The following EYS variants were observed in gnomAD, a reference collection of about 807,000 sequenced individuals.
The protein encoded by EYS is protein eyes shut homolog.
In EYS, 250 loss-of-function variants were observed where a neutral mutation model predicts 282.1. That is an observed-to-expected ratio of 0.89 (90% CI 0.80 to 0.98). The LOEUF (loss-of-function observed/expected upper bound fraction) is 0.98. EYS is among the 50% of genes least tolerant of loss of function. The pLI, the probability that EYS is intolerant of heterozygous loss-of-function variation, is 0.00. For missense variants in EYS, 4,016 were observed against 3,709.0 expected (o/e 1.08, Z -2.15); for synonymous variants, 1,355 against 1,282.9 (o/e 1.06, Z -1.20).
chr6:64,996,443 G>A (rs549458404), intron 14 of EYS, among the ~76,000 whole-genome samples: 53 of 152,238 alleles, frequency 3.5e-4, no homozygotes, highest in Admixed American at 9.2e-4. Flanking sequence ...AAGAGCAGGC[G>A]ACGAAATCTT....
chr6:65,120,453 A>C (rs1775504283), intron 12 of EYS, among the ~76,000 whole-genome samples: 1 of 130,224 alleles, frequency 7.7e-6, no homozygotes, highest in South Asian at 2.7e-4. Flanking sequence ...CTTTTTCTTT[A>C]AATAAGCAAA....
At chr6:64,654,756 C>T (rs537493241) in intron 22 of EYS, among the ~76,000 whole-genome samples, 92 of 152,230 alleles carry the variant, frequency 6.0e-4, no homozygotes, top group African/African-American at 2.1e-3. Context: ...GAATAAATCT[C>T]ATTAACTGCT....
intron 26 of EYS, among the ~76,000 whole-genome samples, chr6:64,517,429 C>A (rs1240930749): frequency 1.3e-5 from 2 of 151,752 alleles, no homozygotes; most frequent in Non-Finnish European, 2.9e-5. Flanking sequence ...ATGGCAATAA[C>A]TGGGTAGGGT....
chr6:65,595,057 G>A (rs1314926606), intron 2 of EYS, among the ~76,000 whole-genome samples: 3 of 151,922 alleles, frequency 2.0e-5, no homozygotes, highest in Admixed American at 1.3e-4. Flanking sequence ...TGCTGTTTTG[G>A]TTAGTGTAGC....
At chr6:63,951,685 GTTCCACGAC>G (rs1765601869) in intron 35 of EYS, among the ~76,000 whole-genome samples, 1 of 152,004 alleles carries the variant, frequency 6.6e-6, no homozygotes, top group Admixed American at 6.6e-5. Context: ...TTACAGTTTT[GTTCCACGAC>G]TAGCCCTTCC....
intron 22 of EYS, among the ~76,000 whole-genome samples, chr6:64,654,289 G>T (rs1010987323): frequency 1.3e-5 from 2 of 152,284 alleles, no homozygotes; most frequent in East Asian, 3.9e-4. Flanking sequence ...CAAATAATAT[G>T]CATATCTCTA....
intron 22 of EYS, among the ~76,000 whole-genome samples, chr6:64,812,727 T>G (rs1299636919): frequency 2.6e-5 from 4 of 151,992 alleles, no homozygotes; most frequent in Non-Finnish European, 5.9e-5. Context: ...CAAATGAGAC[T>G]GAAAGGAGGT....
intron 12 of EYS, among the ~76,000 whole-genome samples, chr6:65,146,275 A>AGT (rs1764476047): frequency 6.6e-6 from 1 of 151,964 alleles, no homozygotes. Flanking sequence ...AAATCACCTC[A>AGT]TTAGGAAAGA....
chr6:65,432,301 CAG>C (rs1030542146), intron 5 of EYS, among the ~76,000 whole-genome samples: 3 of 151,994 alleles, frequency 2.0e-5, no homozygotes, highest in African/African-American at 7.2e-5. Flanking sequence ...ATGAACAAAA[CAG>C]ATAACCATAT....
chr6:63,797,012 G>A (rs1254029397), intron 37 of EYS, among the ~76,000 whole-genome samples: 1 of 152,162 alleles, frequency 6.6e-6, no homozygotes, highest in Non-Finnish European at 1.5e-5. Flanking sequence ...CCCATCTGGA[G>A]GAATGTTTTG....
intron 2 of EYS, among the ~76,000 whole-genome samples, chr6:65,622,255 A>G (rs942215331): frequency 7.8e-6 from 1 of 128,036 alleles, no homozygotes; most frequent in Non-Finnish European, 1.6e-5. Context: ...TTTGAACTTT[A>G]TATTTTTCTT....
chr6:64,426,898 T>C (rs1774429130), intron 28 of EYS, among the ~76,000 whole-genome samples: 1 of 152,208 alleles, frequency 6.6e-6, no homozygotes, highest in Admixed American at 6.5e-5. Context: ...TCACTATTTC[T>C]AGTTATTTTT....
intron 26 of EYS, among the ~76,000 whole-genome samples, chr6:64,444,010 A>C (rs1775038641): frequency 1.3e-5 from 2 of 152,192 alleles, no homozygotes; most frequent in Non-Finnish European, 2.9e-5. Flanking sequence ...TAAGAAAGTT[A>C]GTCAAAGCTT....
chr6:65,171,661 C>T (rs560895987), intron 12 of EYS, among the ~76,000 whole-genome samples: 71 of 151,498 alleles, frequency 4.7e-4, no homozygotes, highest in African/African-American at 1.5e-3. Flanking sequence ...AACTCTGCCA[C>T]CCACCCTACC....
At chr6:64,208,334 T>C (rs1177073907) in intron 31 of EYS, among the ~76,000 whole-genome samples, 1 of 152,226 alleles carries the variant, frequency 6.6e-6, no homozygotes, top group East Asian at 1.9e-4. Context: ...CCTAAAGCCA[T>C]TTGTAGAATA....
At chr6:64,497,613 G>A (rs947637741) in intron 26 of EYS, among the ~76,000 whole-genome samples, 1 of 151,774 alleles carries the variant, frequency 6.6e-6, no homozygotes, top group Admixed American at 6.6e-5. Context: ...TAGGTAGAGG[G>A]GTGATATACT....
At chr6:65,188,834 T>C (rs1765573850) in intron 12 of EYS, among the ~76,000 whole-genome samples, 1 of 149,276 alleles carries the variant, frequency 6.7e-6, no homozygotes, top group African/African-American at 2.5e-5. Flanking sequence ...TTCTAGAAGA[T>C]GGAAGAGGCA....
intron 1 of EYS, among the ~76,000 whole-genome samples, chr6:65,693,367 A>C (rs1769314144): frequency 6.8e-6 from 1 of 148,092 alleles, no homozygotes. Context: ...TGATAGAGAC[A>C]CAGCCCTCAA....
chr6:65,675,292 C>T (rs1350121893), intron 1 of EYS, among the ~76,000 whole-genome samples: 2 of 150,806 alleles, frequency 1.3e-5, no homozygotes, highest in Non-Finnish European at 3.0e-5. Context: ...AATTAAAATC[C>T]CCAATAAAAA....
Sources: gnomAD v4.1 joint callset for allele counts (sites outside exome capture counted in the v4.1 genomes callset) on GRCh38, gnomAD v4.1.1 for gene constraint, MANE v1.5 for transcripts, NCBI Gene and HGNC (gene_info 2026-07-23, HGNC 2026-07-21) for gene names.